The following ZBTB20 variants were observed in gnomAD, a reference collection of about 807,000 sequenced individuals.
ZBTB20 encodes the protein zinc finger and BTB domain containing 20, also known as zinc finger and BTB domain-containing protein 20.
Under a neutral mutation model 56.9 loss-of-function variants are expected in ZBTB20, and 9 were observed. The ratio of observed to expected loss-of-function variants is 0.16; its 90% confidence interval spans 0.10 to 0.28. The LOEUF is 0.28. ZBTB20 is among the 10% of genes least tolerant of loss of function. The pLI is 1.00. For missense variants in ZBTB20, 655 were observed against 1,003.0 expected (o/e 0.65, Z 4.69); for synonymous variants, 417 against 420.7 (o/e 0.99, Z 0.11).
At chr3:114,436,302 CT>C (rs1448172418) in intron 7 of ZBTB20, among the ~76,000 whole-genome samples, 2 of 152,098 alleles carry the variant, frequency 1.3e-5, no homozygotes, top group Non-Finnish European at 2.9e-5. Flanking sequence ...TGGAGGTGCT[CT>C]TAGGAGTTCC....
chr3:114,667,306 T>C (rs1002065472), intron 6 of ZBTB20, among the ~76,000 whole-genome samples: 5 of 152,174 alleles, frequency 3.3e-5, no homozygotes, highest in Middle Eastern at 3.4e-3. Context: ...CCTACATATA[T>C]AATTTTATTA....
intron 1 of ZBTB20, among the ~76,000 whole-genome samples, chr3:115,144,197 A>C (rs2084900689): frequency 6.6e-6 from 1 of 152,206 alleles, no homozygotes; most frequent in Non-Finnish European, 1.5e-5. Context: ...CTGTGAAGTT[A>C]TTCAAAATAA....
intron 7 of ZBTB20, among the ~76,000 whole-genome samples, chr3:114,487,496 A>G (rs1340705927): frequency 6.6e-6 from 1 of 152,094 alleles, no homozygotes; most frequent in Non-Finnish European, 1.5e-5. Flanking sequence ...CATGTCCACA[A>G]TTTTCTGCCA....
At chr3:115,134,565 C>A (rs2084603429) in intron 1 of ZBTB20, among the ~76,000 whole-genome samples, 1 of 151,782 alleles carries the variant, frequency 6.6e-6, no homozygotes, top group Non-Finnish European at 1.5e-5. Context: ...TTCACTAATT[C>A]ATATTTCGAC....
At chr3:115,000,896 C>T (rs551250451) in intron 2 of ZBTB20, among the ~76,000 whole-genome samples, 7 of 151,550 alleles carry the variant, frequency 4.6e-5, no homozygotes, top group Non-Finnish European at 7.4e-5. Flanking sequence ...CCCAAAAGCT[C>T]TGGCACAGGA....
intron 6 of ZBTB20, among the ~76,000 whole-genome samples, chr3:114,665,651 A>AT (rs2061005868): frequency 6.6e-6 from 1 of 152,078 alleles, no homozygotes; most frequent in South Asian, 2.1e-4. Flanking sequence ...TGTTCCTATA[A>AT]CATAACAACT....
chr3:114,905,184 A>T (rs1480790310), intron 3 of ZBTB20, among the ~76,000 whole-genome samples: 1 of 151,976 alleles, frequency 6.6e-6, no homozygotes, highest in African/African-American at 2.4e-5. Flanking sequence ...AAACTTCACA[A>T]CTTTTAAAAT....
chr3:114,984,432 A>G (rs1560462577), intron 2 of ZBTB20, among the ~76,000 whole-genome samples: 1 of 151,922 alleles, frequency 6.6e-6, no homozygotes, highest in Admixed American at 6.6e-5. Context: ...CTTTCTTTAA[A>G]TGTCCCTGCT....
At chr3:115,123,977 T>C (rs537821916) in intron 1 of ZBTB20, among the ~76,000 whole-genome samples, 35 of 152,312 alleles carry the variant, frequency 2.3e-4, no homozygotes, top group African/African-American at 7.7e-4. Flanking sequence ...CTGACCACTC[T>C]TGGCCTTTGT....
intron 5 of ZBTB20, among the ~76,000 whole-genome samples, chr3:114,719,198 G>T (rs1478062110): frequency 1.4e-5 from 2 of 144,974 alleles, no homozygotes; most frequent in South Asian, 2.3e-4. Flanking sequence ...TGCAGGGGGG[G>T]GAAATAGAAG....
intron 6 of ZBTB20, among the ~76,000 whole-genome samples, chr3:114,651,215 C>G (rs2107998315): frequency 6.6e-6 from 1 of 152,060 alleles, no homozygotes; most frequent in Non-Finnish European, 1.5e-5. Context: ...TAAATATTCA[C>G]TATGAAAGAA....
chr3:114,648,170 A>G (rs1471317412), intron 6 of ZBTB20, among the ~76,000 whole-genome samples: 1 of 151,820 alleles, frequency 6.6e-6, no homozygotes, highest in Admixed American at 6.6e-5. Context: ...TTGAGAAAAC[A>G]ATTAATTATA....
At chr3:115,040,973 A>C (rs1004461103) in intron 2 of ZBTB20, among the ~76,000 whole-genome samples, 5 of 152,162 alleles carry the variant, frequency 3.3e-5, no homozygotes, top group African/African-American at 4.8e-5. Flanking sequence ...AAATCCCATT[A>C]AATGAATATG....
intron 6 of ZBTB20, among the ~76,000 whole-genome samples, chr3:114,672,273 G>C (rs925902624): frequency 6.6e-6 from 1 of 151,878 alleles, no homozygotes; most frequent in Non-Finnish European, 1.5e-5. Context: ...ATCCCATAAA[G>C]GGCCCACTCA....
intron 6 of ZBTB20, among the ~76,000 whole-genome samples, chr3:114,514,930 T>C (rs1246706362): frequency 6.6e-6 from 1 of 152,242 alleles, no homozygotes; most frequent in Non-Finnish European, 1.5e-5. Context: ...CTATTTATTC[T>C]GCTCTTACAT....
At chr3:114,463,779 T>C (rs1444131497) in intron 7 of ZBTB20, among the ~76,000 whole-genome samples, 2 of 152,228 alleles carry the variant, frequency 1.3e-5, no homozygotes, top group Non-Finnish European at 2.9e-5. Context: ...ATTGCTTGAA[T>C]TGCCCAAACT....
chr3:114,855,793 T>G (rs2075224371), intron 4 of ZBTB20, among the ~76,000 whole-genome samples: 1 of 152,162 alleles, frequency 6.6e-6, no homozygotes. Flanking sequence ...AAATGAACCT[T>G]TCCTGACAGC....
chr3:114,338,976 T>G lies in ZBTB20; in HGVS notation c.*29A>C. On this transcript the variant is annotated 3_prime_UTR_variant, in exon 12 of 12. Transcript: ENST00000675478. Reference sequence around the variant, plus strand: ...TTTGTTTTTTGTTGTTGTTTTGTTTTGTTCATAAGAAAGAGAGAAAGATAC... The same window carrying G: ...TTTGTTTTTTGTTGTTGTTTTGTTTGGTTCATAAGAAAGAGAGAAAGATAC... 1 of 1,477,248 alleles carries G rather than the reference T, an allele frequency of 6.8e-7. No individual in the cohort carries two copies. Among genetic ancestry groups the G allele is most frequent in the East Asian group, 2.3e-5 (1 of 43,320 alleles). 91.5% of individuals were successfully genotyped at this position (1,477,248 alleles called of 1,614,324 possible).
At chr3:114,632,361 C>A (rs1416191304) in intron 6 of ZBTB20, among the ~76,000 whole-genome samples, 3 of 152,188 alleles carry the variant, frequency 2.0e-5, no homozygotes, top group African/African-American at 7.2e-5. Context: ...GCACACCCCC[C>A]TCTCCCCTGC....
Sources: allele counts gnomAD v4.1 joint callset (sites outside exome capture counted in the v4.1 genomes callset), GRCh38; gene constraint gnomAD v4.1.1; transcripts MANE v1.5; gene names NCBI Gene and HGNC (gene_info 2026-07-23, HGNC 2026-07-21).